The following TACR1 variants were observed in gnomAD, a reference collection of about 807,000 sequenced individuals.
TACR1 encodes the protein substance-P receptor.
In TACR1, 25 loss-of-function variants were observed where a neutral mutation model predicts 35.8. The observed-to-expected ratio is 0.70, with a 90% CI of 0.51 to 0.98. TACR1 has a LOEUF of 0.98. Among genes scored for constraint, TACR1 ranks in the 50% least tolerant of loss-of-function variants. The probability of loss-of-function intolerance (pLI) is 0.00; values close to 1 mark genes in which losing one functional copy is unlikely to be tolerated. For missense variants in TACR1, 478 were observed against 522.9 expected, an observed-to-expected ratio of 0.91 and a Z score of 0.84; for synonymous variants, 195 against 206.7, an observed-to-expected ratio of 0.94 and a Z score of 0.48.
chr2:75,154,410 G>GCACA (rs766455987), intron 1 of TACR1: 1,612 of 75,420 alleles, frequency 0.021, 94 homozygotes, highest in Non-Finnish European at 0.026. Context: ...GAGCGCGCAC[G>GCACA]CACACACACA....
intron 2 of TACR1, among the ~76,000 whole-genome samples, chr2:75,094,404 G>C (rs2103859148): frequency 6.6e-6 from 1 of 152,308 alleles, no homozygotes; most frequent in South Asian, 2.1e-4. Flanking sequence ...TTATCACTAG[G>C]AGGGGTATTC....
At chr2:75,089,941 C>T (rs891828035) in intron 2 of TACR1, among the ~76,000 whole-genome samples, 3 of 152,176 alleles carry the variant, frequency 2.0e-5, no homozygotes, top group Non-Finnish European at 4.4e-5. Flanking sequence ...GCACCAGCAG[C>T]TCATTACCAT....
At chr2:75,162,383 C>T (rs192148751) in intron 1 of TACR1, among the ~76,000 whole-genome samples, 2 of 152,280 alleles carry the variant, frequency 1.3e-5, no homozygotes, top group East Asian at 3.9e-4. Context: ...GTGTTTTGTT[C>T]CCTAACTAAT....
At chr2:75,171,926 A>T (rs1351654879) in intron 1 of TACR1, among the ~76,000 whole-genome samples, 1 of 152,086 alleles carries the variant, frequency 6.6e-6, no homozygotes, top group African/African-American at 2.4e-5. Flanking sequence ...TTTTGAGCTA[A>T]TGTTGAAGTG....
chr2:75,096,776 T>A (rs534006628), intron 2 of TACR1, among the ~76,000 whole-genome samples: 2 of 152,188 alleles, frequency 1.3e-5, no homozygotes, highest in Admixed American at 6.5e-5. Context: ...CTGAGAATAT[T>A]GAGAGCTTCC....
intron 3 of TACR1, among the ~76,000 whole-genome samples, chr2:75,052,135 C>T (rs1672480924): frequency 6.6e-6 from 1 of 152,164 alleles, no homozygotes; most frequent in Admixed American, 6.5e-5. Flanking sequence ...ATGTTGAAAT[C>T]CTAACCCCTA....
At chr2:75,088,505 A>G (rs1037069322) in intron 2 of TACR1, among the ~76,000 whole-genome samples, 3 of 152,170 alleles carry the variant, frequency 2.0e-5, no homozygotes, top group Non-Finnish European at 4.4e-5. Context: ...CTAGAGGGAT[A>G]ATGTTTGTTT....
chr2:75,064,887 C>T (rs886980677), intron 2 of TACR1, among the ~76,000 whole-genome samples: 2 of 152,148 alleles, frequency 1.3e-5, no homozygotes, highest in Non-Finnish European at 2.9e-5. Flanking sequence ...CACAAAGCTC[C>T]TAGTGGTAAG....
intron 2 of TACR1, among the ~76,000 whole-genome samples, chr2:75,054,871 G>A (rs1672540349): frequency 2.6e-5 from 4 of 152,114 alleles, no homozygotes. Flanking sequence ...TTTGAGTGTT[G>A]ATGAAAAGCA....
intron 2 of TACR1, among the ~76,000 whole-genome samples, chr2:75,105,308 T>A (rs1005054239): frequency 6.6e-6 from 1 of 151,998 alleles, no homozygotes; most frequent in African/African-American, 2.4e-5. Context: ...CACGATCTCA[T>A]TGACATGTGG....
chr2:75,132,093 T>A (rs1674188912), intron 1 of TACR1, among the ~76,000 whole-genome samples: 2 of 152,324 alleles, frequency 1.3e-5, no homozygotes, highest in South Asian at 4.1e-4. Flanking sequence ...TGATTGGCTC[T>A]TAGGAATATT....
intron 2 of TACR1, among the ~76,000 whole-genome samples, chr2:75,117,653 A>G (rs907901782): frequency 2.0e-5 from 3 of 152,238 alleles, no homozygotes; most frequent in African/African-American, 7.2e-5. Context: ...TAAATTGAAA[A>G]TATTTTAAGT....
chr2:75,099,971 C>T (rs1673503441), intron 2 of TACR1, among the ~76,000 whole-genome samples: 1 of 152,146 alleles, frequency 6.6e-6, no homozygotes, highest in Non-Finnish European at 1.5e-5. Flanking sequence ...GCATTTATTC[C>T]CCATTATTGT....
Position 75,181,249 on chromosome 2 carries a change from C to T in TACR1, c.389+17297G>A, listed in dbSNP as rs551892765. Among the ~76,000 whole-genome samples, 8 of 152,098 alleles carry T rather than the reference C, an allele frequency of 5.3e-5. No individual in the cohort carries two copies. The South Asian group carries it at 1.7e-3, about 32-fold the overall frequency. ...TCCCACTCCTCTTAATTTTATTAGC[C>T]TCAAAAACAAATATGAATTTAAAAA... On this transcript the variant is annotated intron_variant, in intron 1 of 4. Coordinates refer to ENST00000305249, the MANE Select transcript of TACR1 (RefSeq NM_001058.4).
At chr2:75,059,868 G>A (rs1672639545) in intron 2 of TACR1, among the ~76,000 whole-genome samples, 1 of 152,100 alleles carries the variant, frequency 6.6e-6, no homozygotes, top group Admixed American at 6.5e-5. Context: ...TCACAGCATG[G>A]TGCTAGATGC....
At chr2:75,106,247 T>G (rs555590317) in intron 2 of TACR1, among the ~76,000 whole-genome samples, 2 of 152,126 alleles carry the variant, frequency 1.3e-5, no homozygotes, top group South Asian at 4.1e-4. Flanking sequence ...TCTATTTATT[T>G]CAAAAAAATT....
chr2:75,157,633 T>C (rs1020401679), intron 1 of TACR1, among the ~76,000 whole-genome samples: 5 of 152,320 alleles, frequency 3.3e-5, no homozygotes, highest in Middle Eastern at 6.8e-3. Flanking sequence ...AGGGTTGAAG[T>C]CAGGAAGAGG....
intron 2 of TACR1, among the ~76,000 whole-genome samples, chr2:75,057,550 A>G (rs1672593396): frequency 6.6e-6 from 1 of 152,258 alleles, no homozygotes; most frequent in African/African-American, 2.4e-5. Context: ...GCCTGCAAAC[A>G]TTCTGCTAAC....
intron 1 of TACR1, among the ~76,000 whole-genome samples, chr2:75,121,735 A>G (rs564802482): frequency 2.6e-5 from 4 of 152,334 alleles, no homozygotes; most frequent in African/African-American, 9.6e-5. Flanking sequence ...TAAAATAAGC[A>G]TTTTTTAAAA....
Sources: allele counts gnomAD v4.1 joint callset (sites outside exome capture counted in the v4.1 genomes callset), GRCh38; gene constraint gnomAD v4.1.1; transcripts MANE v1.5; gene names NCBI Gene and HGNC (gene_info 2026-07-23, HGNC 2026-07-21).